CA7: variants seen among roughly 807,000 people sequenced by gnomAD.
The protein encoded by CA7 is carbonate dehydratase VII.
CA7 carries 13 observed loss-of-function variants against 31.4 expected under a neutral mutation model. The ratio of observed to expected loss-of-function variants is 0.41; its 90% CI spans 0.27 to 0.66. The LOEUF is 0.66. CA7 is among the 30% of genes least tolerant of loss of function. The probability of loss-of-function intolerance (pLI) is 0.28; values close to 1 mark genes in which losing one functional copy is unlikely to be tolerated. For missense variants in CA7, 215 were observed against 351.0 expected, an observed-to-expected ratio of 0.61 and a Z score of 3.10; for synonymous variants, 128 against 133.2, an observed-to-expected ratio of 0.96 and a Z score of 0.27.
intron 1 of CA7, among the ~76,000 whole-genome samples, chr16:66,845,528 TG>T (rs1960912505): frequency 6.6e-6 from 1 of 152,046 alleles, no homozygotes; most frequent in Admixed American, 6.5e-5. Context: ...TGGCTCCCTC[TG>T]GGGCCCCAAG....
intron 1 of CA7, among the ~76,000 whole-genome samples, 172 bp from the exon 2 acceptor site, chr16:66,846,858 A>T (rs888099087): frequency 1.3e-5 from 2 of 152,212 alleles, no homozygotes; most frequent in Admixed American, 6.5e-5. Context: ...AAAGAAATGG[A>T]GGCTGAAAGG....
At chr16:66,852,889 G>A (rs1214664464) in intron 6 of CA7, 22 bp downstream of exon 6, 1 of 1,607,336 alleles carries the variant, frequency 6.2e-7, no homozygotes, top group East Asian at 2.2e-5. Flanking sequence ...CAGAGGACCA[G>A]ATGGAGGGAC....
chr16:66,850,867 CGTGG>C (rs1181204712), intron 3 of CA7, among the ~76,000 whole-genome samples: 7 of 152,132 alleles, frequency 4.6e-5, no homozygotes, highest in Non-Finnish European at 8.8e-5. Context: ...GTCTGTGCGT[CGTGG>C]AGTTTTCTGA....
In CA7 at chr16:66,849,812, T is replaced by C. The variant is rs558228151; in HGVS notation, c.239-729T>C. ...CAAGGGACAGGGGTCTAGGGGGCAG[T>C]GGGGACCAACCCAAGCCCAGTCAGC... On this transcript the variant is annotated intron_variant, in intron 2 of 6. Transcript: ENST00000338437. Among the ~76,000 whole-genome samples, 3 of 152,268 alleles carry C rather than the reference T, an allele frequency of 2.0e-5. No homozygotes were observed. In the South Asian group the frequency reaches 6.2e-4, roughly 32 times the overall value.
intron 2 of CA7, among the ~76,000 whole-genome samples, chr16:66,849,301 G>A (rs1426308015): frequency 6.6e-6 from 1 of 152,094 alleles, no homozygotes; most frequent in Non-Finnish European, 1.5e-5. Flanking sequence ...GAGGCACCTG[G>A]GCCTGTCCAG....
In CA7 at chr16:66,847,031, C is replaced by T; in HGVS notation, c.42C>T (p.Gly14=). 1 of 1,614,050 alleles carries T rather than the reference C, an allele frequency of 6.2e-7. No individual in the cohort carries two copies. The highest frequency in any genetic ancestry group is 1.1e-5 in the South Asian group (1 of 91,066). The stretch of plus-strand genomic sequence containing the variant: ...CCTTGCCCTCCTCCCCACCTGCAGG[C>T]CCCTCGCATTGGCACAAGCTGTATC... ...HHGWGYGQDD[G]PSHWHKLYPI... The change falls in exon 2 of 7, where the codon GGC becomes GGT. Residue 14 remains glycine, a splice_region_variant and synonymous_variant. Coordinates refer to ENST00000338437, the MANE Select transcript of CA7 (RefSeq NM_005182.3).
Position 66,847,066 on chromosome 16 carries a change from A to G in CA7, c.77A>G (p.Gln26Arg). The change falls in exon 2 of 7, where the codon CAG becomes CGG. Residue 26 changes from glutamine to arginine, a missense_variant. Coordinates refer to ENST00000338437, the MANE Select transcript of CA7 (RefSeq NM_005182.3). ...SHWHKLYPIAQGDRQSPINII... is the reference protein window; with the variant it reads ...SHWHKLYPIARGDRQSPINII... ...TGGCACAAGCTGTATCCCATTGCCC[A>G]GGGAGATCGCCAATCACCCATCAAT... 3.7e-6 allele frequency: 6 copies of G among 1,614,156 alleles called. No individual in the cohort carries two copies. Among genetic ancestry groups the G allele is most frequent in the Middle Eastern group, 1.6e-4 (1 of 6,062 alleles).
intron 2 of CA7, among the ~76,000 whole-genome samples, chr16:66,847,956 G>A (rs772207980): frequency 1.3e-5 from 2 of 152,148 alleles, no homozygotes; most frequent in Non-Finnish European, 2.9e-5. Context: ...CTTATGACTG[G>A]GCCTTACGAC....
At chr16:66,851,426 G>C (rs1311144555) in intron 3 of CA7, 37 bp from the exon 4 acceptor site, 1 of 1,522,030 alleles carries the variant, frequency 6.6e-7, no homozygotes, top group Admixed American at 1.7e-5. Flanking sequence ...CATTGCCTCT[G>C]GGAGGCACGA....
At chr16:66,852,590 AAAAAAAGAAAAGAAAAG>A (rs779108304) in intron 5 of CA7, 105 bp from the exon 6 acceptor site, 134 of 548,688 alleles carry the variant, frequency 2.4e-4, no homozygotes, top group African/African-American at 1.2e-3. Context: ...AGAAAAGAAA[AAAAAAAGAAAAGAAAAG>A]AAAAAAGAAA....
In CA7 at chr16:66,850,632, G is replaced by A. The variant is rs368752795; in HGVS notation, c.330G>A (p.Thr110=). 17 of 1,613,446 alleles carry A rather than the reference G, an allele frequency of 1.1e-5. No individual in the cohort carries two copies. In the East Asian group the frequency reaches 2.2e-4, roughly 21 times the overall value. Residue 110 remains threonine (T), a synonymous_variant, in exon 3 of 7, where the codon ACG becomes ACA. Transcript: ENST00000338437. ...GKKHDVGSEH[T]VDGKSFPSEL... ...AGCACGATGTGGGTTCTGAGCACAC[G>A]GTGGACGGCAAGTCCTTCCCCAGCG... is the stretch of plus-strand genomic sequence containing the variant.
chr16:66,845,911 C>T (rs1055996378), intron 1 of CA7, among the ~76,000 whole-genome samples: 3 of 152,228 alleles, frequency 2.0e-5, no homozygotes, highest in Admixed American at 2.0e-4. Flanking sequence ...TGCCGGCATG[C>T]AGCAGTGTTC....
intron 2 of CA7, among the ~76,000 whole-genome samples, chr16:66,849,283 C>T (rs190013410): frequency 6.8e-4 from 104 of 152,238 alleles, no homozygotes; most frequent in Non-Finnish European, 9.7e-4. Context: ...CTGGGGGAGG[C>T]GGCACTGGAG....
Position 66,844,541 on chromosome 16 carries a change from TC to T in CA7, c.40+19del. On this transcript the variant is annotated intron_variant, in intron 1 of 6. Transcript: ENST00000338437. The stretch of plus-strand genomic sequence containing the variant: ...GCCAGGACGACGGTAGGCACAGACC[TC>T]CCCCACCGCCTCTGGCTCGGACCCC... 1 of 1,537,074 alleles carries T rather than the reference TC, an allele frequency of 6.5e-7. No individual in the cohort carries two copies. Among genetic ancestry groups the T allele is most frequent in the Non-Finnish European group, 8.8e-7 (1 of 1,140,528 alleles).
At chr16:66,849,782 C>G (rs1343763326) in intron 2 of CA7, among the ~76,000 whole-genome samples, 2 of 152,106 alleles carry the variant, frequency 1.3e-5, no homozygotes, top group African/African-American at 4.8e-5. Context: ...TGCCCTGGCC[C>G]AGCTCAAGGG....
chr16:66,852,630 GAA>G, intron 5 of CA7, 80 bp from the exon 6 acceptor site: 1 of 930,596 alleles, frequency 1.1e-6, no homozygotes, highest in Non-Finnish European at 1.5e-6. Context: ...AAAAAAGAAA[GAA>G]AGAGATGGGT....
chr16:66,852,564 AAG>A (rs1283185914), intron 5 of CA7, 146 bp from the exon 6 acceptor site: 6 of 542,216 alleles, frequency 1.1e-5, no homozygotes, highest in Non-Finnish European at 8.8e-6. Flanking sequence ...GAAAGAAAGA[AAG>A]AAAAAGAAAG....
Position 66,847,151 on chromosome 16 carries a change from G to A in CA7, c.162G>A (p.Glu54=). 3 of 1,614,176 alleles carry A rather than the reference G, an allele frequency of 1.9e-6. No homozygotes were observed. The highest frequency in any genetic ancestry group is 2.5e-6 in the Non-Finnish European group (3 of 1,180,018). Residue 54 remains glutamate (E), a synonymous_variant, in exon 2 of 7, where the codon GAG becomes GAA. Coordinates refer to ENST00000338437, the MANE Select transcript of CA7 (RefSeq NM_005182.3). ...PSLQPLELSY[E]ACMSLSITNN... is the part of the protein sequence containing the mutation. ...TGCAACCACTGGAGCTTTCCTATGAGGCCTGCATGTCCCTCAGCATCACCA... is the reference window on the plus strand; with the variant it reads ...TGCAACCACTGGAGCTTTCCTATGAAGCCTGCATGTCCCTCAGCATCACCA...
intron 2 of CA7, 57 bp downstream of exon 2, chr16:66,847,284 C>T: frequency 6.7e-7 from 1 of 1,503,230 alleles, no homozygotes; most frequent in Non-Finnish European, 9.2e-7. Context: ...GGGTCCTAAC[C>T]TTGTGTTGGG....
Sources: gnomAD v4.1 joint callset for allele counts (sites outside exome capture counted in the v4.1 genomes callset) on GRCh38, gnomAD v4.1.1 for gene constraint, MANE v1.5 for transcripts, NCBI Gene and HGNC (gene_info 2026-07-23, HGNC 2026-07-21) for gene names.